OXSR1: variants seen among roughly 807,000 people sequenced by gnomAD.
The protein encoded by OXSR1 is serine/threonine-protein kinase OSR1.
In OXSR1, 24 loss-of-function variants were observed where a neutral mutation model predicts 79.8. That is an observed-to-expected ratio of 0.30 (90% CI 0.22 to 0.42). The LOEUF is 0.42. Among genes scored for constraint, OXSR1 ranks in the 10% least tolerant of loss-of-function variants. The probability of loss-of-function intolerance (pLI) is 1.00; values close to 1 mark genes in which losing one functional copy is unlikely to be tolerated. For synonymous variants in OXSR1, 226 were observed against 209.2 expected (o/e 1.08, Z -0.69); for missense variants, 430 against 618.4 (o/e 0.70, Z 3.23).
At chr3:38,229,816 G>A (rs1702768500) in intron 9 of OXSR1, 81 bp downstream of exon 9, 1 of 1,064,368 alleles carries the variant, frequency 9.4e-7, no homozygotes, top group South Asian at 1.3e-5. Context: ...CTTAGAAGTT[G>A]GATGATTATG....
At chr3:38,173,703 T>G (rs1343943941) in intron 1 of OXSR1, among the ~76,000 whole-genome samples, 3 of 152,218 alleles carry the variant, frequency 2.0e-5, no homozygotes, top group Admixed American at 2.0e-4. Flanking sequence ...TTTTTTTTCC[T>G]TGAAAATATA....
rs1222301719 is a variant in OXSR1, at chr3:38,212,097, G to A, written c.435-3999G>A. On this transcript the variant is annotated intron_variant, in intron 4 of 17. Coordinates refer to ENST00000311806, the MANE Select transcript of OXSR1 (RefSeq NM_005109.3). ...ATTTATTTAATTGGTTTGGAATGAGGCCTTGGCATTGGGACTTTTAAAAGT... is the reference window on the plus strand; with the variant it reads ...ATTTATTTAATTGGTTTGGAATGAGACCTTGGCATTGGGACTTTTAAAAGT... Among the ~76,000 whole-genome samples the A allele has an allele frequency of 2.0e-5, 3 of 151,662 alleles. No individual in the cohort carries two copies. The South Asian group carries it at 6.2e-4, about 31-fold the overall frequency.
intron 4 of OXSR1, among the ~76,000 whole-genome samples, chr3:38,209,154 G>A (rs77393525): frequency 0.084 from 12,810 of 151,972 alleles, 702 homozygotes; most frequent in African/African-American, 0.15. Context: ...TTTGCTCAAG[G>A]ATTAGGGTTA....
At position 38,165,730 on chromosome 3, in the gene OXSR1, C is replaced by A; in HGVS notation, c.-147C>A. The A allele has an allele frequency of 1.5e-6, 1 of 671,346 alleles. No homozygotes were observed. The highest frequency in any genetic ancestry group is 2.4e-6 in the Non-Finnish European group (1 of 409,582). The allele number at this position is 671,346 out of a possible 1,614,324, so 41.6% of individuals were successfully genotyped here. On this transcript the variant is annotated 5_prime_UTR_variant, in exon 1 of 18. Coordinates refer to ENST00000311806, the MANE Select transcript of OXSR1 (RefSeq NM_005109.3). Reference sequence around the variant, plus strand: ...TCTGCCGCGCGGTGACCCCGCGCCCCGGCGCCGTCCGACCCGTGGCTGTTC... The same window carrying A: ...TCTGCCGCGCGGTGACCCCGCGCCCAGGCGCCGTCCGACCCGTGGCTGTTC...
intron 3 of OXSR1, among the ~76,000 whole-genome samples, chr3:38,193,610 C>T (rs1004999785): frequency 2.3e-4 from 35 of 149,046 alleles, no homozygotes; most frequent in South Asian, 1.1e-3. Flanking sequence ...CTAAGCAGAA[C>T]GACTTTTTTT....
At chr3:38,236,733 TTATC>T (rs1702925892) in intron 10 of OXSR1, 102 bp from the exon 11 acceptor site, 4 of 997,158 alleles carry the variant, frequency 4.0e-6, no homozygotes, top group East Asian at 2.6e-5. Flanking sequence ...GGGAAAATGA[TTATC>T]TACTTAATGG....
intron 11 of OXSR1, among the ~76,000 whole-genome samples, chr3:38,240,872 T>A (rs1160756822): frequency 6.6e-6 from 1 of 151,906 alleles, no homozygotes; most frequent in Non-Finnish European, 1.5e-5. Flanking sequence ...TATAAACAAA[T>A]GGGGGAAAAG....
At chr3:38,249,471 C>T (rs1035970801) in intron 14 of OXSR1, among the ~76,000 whole-genome samples, 9 of 152,124 alleles carry the variant, frequency 5.9e-5, no homozygotes, top group African/African-American at 1.7e-4. Flanking sequence ...TTATTATCCC[C>T]ATCTCTCATA....
intron 13 of OXSR1, among the ~76,000 whole-genome samples, chr3:38,246,685 G>A (rs1703148290): frequency 1.3e-5 from 2 of 151,950 alleles, no homozygotes; most frequent in Non-Finnish European, 2.9e-5. Context: ...TGTTAAGTCC[G>A]GGTATTATAA....
chr3:38,178,203 G>T (rs988570216), intron 1 of OXSR1, among the ~76,000 whole-genome samples: 1 of 151,914 alleles, frequency 6.6e-6, no homozygotes, highest in Non-Finnish European at 1.5e-5. Flanking sequence ...TGCCCACCTC[G>T]GCCTCCCAAA....
intron 1 of OXSR1, among the ~76,000 whole-genome samples, chr3:38,166,360 T>C (rs1701456122): frequency 6.6e-6 from 1 of 152,060 alleles, no homozygotes; most frequent in African/African-American, 2.4e-5. Flanking sequence ...TTTAAGTTTT[T>C]CCTCCATCCG....
chr3:38,165,547 T>TGGGGTGGAGGGCGGGACAGA lies in OXSR1; in HGVS notation c.-326_-325insTGGAGGGCGGGACAGAGGGG. ...AAGAGGGGAAAGTTTGGCCCGTGCGTGGGGCTGGGGTGGAGGGCGGGACAG... is the reference window on the plus strand; with the variant it reads ...AAGAGGGGAAAGTTTGGCCCGTGCGTGGGGTGGAGGGCGGGACAGAGGGGCTGGGGTGGAGGGCGGGACAG... On this transcript the variant is annotated 5_prime_UTR_variant, in exon 1 of 18. Transcript: ENST00000311806. 1 of 309,438 alleles carries TGGGGTGGAGGGCGGGACAGA rather than the reference T, an allele frequency of 3.2e-6. No individual in the cohort carries two copies. The highest frequency in any genetic ancestry group is 6.0e-6 in the Non-Finnish European group (1 of 166,482). 19.2% of individuals were successfully genotyped at this position (309,438 alleles called of 1,614,324 possible).
At chr3:38,215,866 C>T (rs1702472682) in intron 4 of OXSR1, among the ~76,000 whole-genome samples, 1 of 152,078 alleles carries the variant, frequency 6.6e-6, no homozygotes, top group Non-Finnish European at 1.5e-5. Flanking sequence ...AATATTTGAT[C>T]ACTTGTGTTT....
At chr3:38,208,506 A>C (rs1702314292) in intron 4 of OXSR1, among the ~76,000 whole-genome samples, 1 of 152,238 alleles carries the variant, frequency 6.6e-6, no homozygotes, top group Non-Finnish European at 1.5e-5. Context: ...AGACTGAAGC[A>C]GGTTAGAAAA....
intron 3 of OXSR1, among the ~76,000 whole-genome samples, chr3:38,193,727 G>T (rs1274056339): frequency 6.7e-6 from 1 of 149,484 alleles, no homozygotes; most frequent in Non-Finnish European, 1.5e-5. Context: ...GTAGCTCTTT[G>T]TCCCTCTTGG....
Position 38,246,058 on chromosome 3 carries a change from G to C in OXSR1, c.1111-17G>C. 1 of 1,612,640 alleles carries C rather than the reference G, an allele frequency of 6.2e-7. No homozygotes were observed. Among genetic ancestry groups the C allele is most frequent in the Non-Finnish European group, 8.5e-7 (1 of 1,178,810 alleles). ...TTCCACACAACTTAAGCAACACTGT[G>C]TGTGTTTTTGTTACAGCTCTTTCCA... On this transcript the variant is annotated splice_polypyrimidine_tract_variant and intron_variant, in intron 12 of 17. Transcript: ENST00000311806.
intron 4 of OXSR1, among the ~76,000 whole-genome samples, chr3:38,213,431 T>C (rs905539267): frequency 6.6e-6 from 1 of 152,136 alleles, no homozygotes; most frequent in Non-Finnish European, 1.5e-5. Flanking sequence ...CGTGAAAAAC[T>C]GTCACAACCA....
chr3:38,205,564 A>G (rs1430302266), intron 4 of OXSR1, among the ~76,000 whole-genome samples: 2 of 152,208 alleles, frequency 1.3e-5, no homozygotes, highest in African/African-American at 2.4e-5. Flanking sequence ...GTTCGTCTCT[A>G]TCTAGACTGC....
rs371200441 is a variant in OXSR1, at chr3:38,185,374, A to C, written c.183+2259A>C. 8.1e-5 allele frequency among the ~76,000 whole-genome samples: 12 copies of C among 147,426 alleles called. No homozygotes were observed. In the South Asian group the frequency reaches 1.5e-3, roughly 19 times the overall value. On this transcript the variant is annotated intron_variant, in intron 2 of 17. Transcript: ENST00000311806. ...CCAAGGCGGGTGGATCACTTGAGCC[A>C]AGGAGTTTGAGACCAGCTTGGCCAA...
Sources: gnomAD v4.1 joint callset for allele counts (sites outside exome capture counted in the v4.1 genomes callset) on GRCh38, gnomAD v4.1.1 for gene constraint, MANE v1.5 for transcripts, NCBI Gene and HGNC (gene_info 2026-07-23, HGNC 2026-07-21) for gene names.